BCL2L11: variants seen among roughly 807,000 people sequenced by gnomAD.
BCL2L11 encodes bcl-2-like protein 11.
BCL2L11 carries 15 observed loss-of-function variants against 20.6 expected under a neutral mutation model. The observed-to-expected ratio is 0.73, with a 90% CI of 0.49 to 1.12. BCL2L11 has a LOEUF of 1.12. BCL2L11 is among the 50% of genes most tolerant of loss of function. The pLI is 0.00. For synonymous variants in BCL2L11, 108 were observed against 92.8 expected, an observed-to-expected ratio of 1.16 and a Z score of -0.94; for missense variants, 292 against 260.9, an observed-to-expected ratio of 1.12 and a Z score of -0.82.
At chr2:111,143,245 A>G (rs2076086325) in intron 2 of BCL2L11, among the ~76,000 whole-genome samples, 1 of 152,214 alleles carries the variant, frequency 6.6e-6, no homozygotes, top group Non-Finnish European at 1.5e-5. Flanking sequence ...TAGTAGCAGT[A>G]TTCAGTGTCC....
intron 2 of BCL2L11, among the ~76,000 whole-genome samples, chr2:111,145,591 G>A (rs931044200): frequency 3.3e-5 from 5 of 151,908 alleles, no homozygotes; most frequent in African/African-American, 1.2e-4. Context: ...ACTTAACCAC[G>A]GTATTAATTT....
intron 3 of BCL2L11, among the ~76,000 whole-genome samples, chr2:111,154,425 G>A (rs1034329123): frequency 5.3e-5 from 8 of 151,612 alleles, no homozygotes; most frequent in Non-Finnish European, 1.0e-4. Flanking sequence ...TTGAATTCAC[G>A]TGTTTTACCT....
At chr2:111,126,865 T>C (rs28587034) in intron 2 of BCL2L11, among the ~76,000 whole-genome samples, 2,144 of 152,294 alleles carry the variant, frequency 0.014, 54 homozygotes, top group African/African-American at 0.048. Flanking sequence ...CTCCTTTAGC[T>C]GCAAAGCAGT....
intron 3 of BCL2L11, chr2:111,153,927 T>TGTCC: frequency 6.6e-7 from 1 of 1,517,814 alleles, no homozygotes; most frequent in Non-Finnish European, 8.9e-7. Context: ...TCCCAGTGCA[T>TGTCC]GTCCCCTCTT....
Position 111,143,825 on chromosome 2 carries a change from A to G in BCL2L11, c.395-6219A>G, listed in dbSNP as rs145034643. Among the ~76,000 whole-genome samples the G allele has an allele frequency of 7.6e-4, 115 of 152,276 alleles. 4 individuals are homozygous for G. The highest frequency in any genetic ancestry group is 3.4e-3 in the Middle Eastern group (1 of 294). On this transcript the variant is annotated intron_variant, in intron 2 of 3. Transcript: ENST00000393256. ...CGGGGACAGCTCTGGTGACATGGATAATTAGTTTTTCTGATGTTGAATGAG... is the reference window on the plus strand; with the variant it reads ...CGGGGACAGCTCTGGTGACATGGATGATTAGTTTTTCTGATGTTGAATGAG...
At position 111,150,105 on chromosome 2, in the gene BCL2L11, G is replaced by T; in HGVS notation, c.456G>T (p.Leu152Phe). 1 of 1,614,050 alleles carries T rather than the reference G, an allele frequency of 6.2e-7. No individual in the cohort carries two copies. Among genetic ancestry groups the T allele is most frequent in the Non-Finnish European group, 8.5e-7 (1 of 1,179,948 alleles). The change falls in exon 3 of 4, where the codon TTG becomes TTT. Residue 152 changes from leucine (L) to phenylalanine (F), a missense_variant. By Grantham distance (22) the Leu-to-Phe change is conservative. Transcript: ENST00000393256. ...MRPEIWIAQE[L>F]RRIGDEFNAY... is the part of the protein sequence containing the mutation. ...CAGAGATATGGATCGCCCAAGAGTT[G>T]CGGCGTATTGGAGACGAGTTTAACG... is the stretch of plus-strand genomic sequence containing the variant.
rs539590882 is a variant in BCL2L11, at chr2:111,166,026, T to G, written c.*1795T>G. The G allele has an allele frequency of 2.0e-5, 3 of 152,702 alleles. No homozygotes were observed. The highest frequency in any genetic ancestry group is 6.5e-5 in the Admixed American group (1 of 15,310). The allele number at this position is 152,702 out of a possible 1,614,324, so 9.5% of individuals were successfully genotyped here. ...CCAAGAATCTCCTTGGGACTTTGAC[T>G]TATTTTTAAAGCTGTGTTGGAGCTC... On this transcript the variant is annotated 3_prime_UTR_variant, in exon 4 of 4. Transcript: ENST00000393256.
intron 1 of BCL2L11, chr2:111,122,890 C>G (rs915997433): frequency 1.0e-6 from 1 of 985,178 alleles, no homozygotes; most frequent in East Asian, 1.1e-4. Flanking sequence ...TGGTCCCTGG[C>G]CCGGACGCTG....
rs556201433 is a variant in BCL2L11, at chr2:111,166,705, A to G, written c.*2474A>G. 6.5e-6 allele frequency: 1 copy of G among 152,678 alleles called. No homozygotes were observed. The highest frequency in any genetic ancestry group is 6.5e-5 in the Admixed American group (1 of 15,284). 9.5% of individuals were successfully genotyped at this position (152,678 alleles called of 1,614,324 possible). On this transcript the variant is annotated 3_prime_UTR_variant, in exon 4 of 4. Transcript: ENST00000393256. ...CACAGAAACGCAATAAACACACACA[A>G]AATAGTTTCATGAGTGATTCTTCAG...
At chr2:111,129,174 A>G (rs1361160105) in intron 2 of BCL2L11, among the ~76,000 whole-genome samples, 1 of 152,258 alleles carries the variant, frequency 6.6e-6, no homozygotes, top group African/African-American at 2.4e-5. Context: ...TCCATGGTAT[A>G]TTCGGACTTC....
chr2:111,131,226 C>CGGGGGTGGG (rs2073894127), intron 2 of BCL2L11: 1 of 1,480 alleles, frequency 6.8e-4, no homozygotes, highest in Non-Finnish European at 1.5e-3. Flanking sequence ...GGGATGGGGG[C>CGGGGGTGGG]GGGGGTGGGG....
intron 3 of BCL2L11, chr2:111,161,500 G>C: frequency 6.5e-7 from 1 of 1,549,970 alleles, no homozygotes; most frequent in Non-Finnish European, 8.7e-7. Context: ...TCTGCAGACA[G>C]CAGGTCTCAG....
At chr2:111,122,749 G>A (rs2071399353) in intron 1 of BCL2L11, 1 of 985,308 alleles carries the variant, frequency 1.0e-6, no homozygotes, top group Non-Finnish European at 1.2e-6. Context: ...GGGCTGGCGG[G>A]AAGGCGCGGG....
At position 111,150,020 on chromosome 2, in the gene BCL2L11, TTGTTTTG is replaced by T; in HGVS notation, c.395-22_395-16del. ...TGATCTGTGGACCACAATGTGATTT[TTGTTTTG>T]TTTTGTTCTGATGCAGCTTCCATGA... On this transcript the variant is annotated splice_polypyrimidine_tract_variant and intron_variant, in intron 2 of 3. Coordinates refer to ENST00000393256, the MANE Select transcript of BCL2L11 (RefSeq NM_138621.5). 6.3e-7 allele frequency: 1 copy of T among 1,595,978 alleles called. No homozygotes were observed. The highest frequency in any genetic ancestry group is 8.6e-7 in the Non-Finnish European group (1 of 1,165,756).
At chr2:111,153,705 G>A in intron 3 of BCL2L11, 1 of 1,522,928 alleles carries the variant, frequency 6.6e-7, no homozygotes, top group East Asian at 2.5e-5. Flanking sequence ...CTATTACAAT[G>A]CCTTGTCTAA....
rs1458890326 is a variant in BCL2L11, at chr2:111,167,454, A to C, written c.*3223A>C. 6.6e-6 allele frequency: 1 copy of C among 152,314 alleles called. No individual in the cohort carries two copies. Among genetic ancestry groups the C allele is most frequent in the Non-Finnish European group, 1.5e-5 (1 of 68,048 alleles). 9.4% of individuals were successfully genotyped at this position (152,314 alleles called of 1,614,324 possible). A position where few individuals can be genotyped will look rare whatever the true frequency, so the allele number is the denominator to read the frequency against. Reference sequence around the variant, plus strand: ...GCAAATTTTGCTGACTCCAGGCTTTATCTTTAGGAAAACAAAAAAACCAAA... The same window carrying C: ...GCAAATTTTGCTGACTCCAGGCTTTCTCTTTAGGAAAACAAAAAAACCAAA... On this transcript the variant is annotated 3_prime_UTR_variant, in exon 4 of 4. Transcript: ENST00000393256.
intron 3 of BCL2L11, 60 bp downstream of exon 3, chr2:111,150,207 T>A: frequency 1.3e-6 from 2 of 1,572,810 alleles, no homozygotes; most frequent in Non-Finnish European, 1.7e-6. Context: ...CACTATATTT[T>A]TTTAAAAAGA....
At chr2:111,123,612 T>C (rs1381159627) in intron 1 of BCL2L11, 121 bp from the exon 2 acceptor site, 1 of 1,223,596 alleles carries the variant, frequency 8.2e-7, no homozygotes, top group African/African-American at 1.6e-5. Flanking sequence ...GTCAGAAAAG[T>C]ATAGAACAAA....
intron 2 of BCL2L11, among the ~76,000 whole-genome samples, chr2:111,139,135 T>C (rs2075392997): frequency 6.6e-6 from 1 of 152,054 alleles, no homozygotes; most frequent in African/African-American, 2.4e-5. Flanking sequence ...AAAAAGAACA[T>C]CTTTTCTAGA....
Sources: gnomAD v4.1 joint callset for allele counts (sites outside exome capture counted in the v4.1 genomes callset) on GRCh38, gnomAD v4.1.1 for gene constraint, MANE v1.5 for transcripts, NCBI Gene and HGNC (gene_info 2026-07-23, HGNC 2026-07-21) for gene names.